ZCCHC10: variants seen among roughly 807,000 people sequenced by gnomAD.
ZCCHC10 encodes zinc finger CCHC-type containing 10, also known as zinc finger CCHC domain-containing protein 10.
Under a neutral mutation model 19.5 loss-of-function variants are expected in ZCCHC10, and 16 were observed. The observed-to-expected ratio is 0.82, with a 90% CI of 0.56 to 1.25. ZCCHC10 has a LOEUF of 1.25. ZCCHC10 is among the 50% of genes most tolerant of loss of function. The pLI, the probability that ZCCHC10 is intolerant of heterozygous loss-of-function variation, is 0.00. For missense variants in ZCCHC10, 197 were observed against 201.0 expected, an observed-to-expected ratio of 0.98 and a Z score of 0.12; for synonymous variants, 67 against 72.5, an observed-to-expected ratio of 0.92 and a Z score of 0.38.
intron 1 of ZCCHC10, among the ~76,000 whole-genome samples, chr5:133,026,133 G>A (rs1764688910): frequency 1.3e-5 from 2 of 152,220 alleles, no homozygotes; most frequent in African/African-American, 4.8e-5. Context: ...GAAGGTTTAC[G>A]TCGGCTGGAA....
Position 133,023,000 on chromosome 5 carries a change from T to C in ZCCHC10, c.42-94A>G, listed in dbSNP as rs114923424. The C allele has an allele frequency of 3.2e-3, 1,284 of 404,698 alleles. 10 individuals are homozygous for C. The highest frequency in any genetic ancestry group is 0.025 in the African/African-American group (1,206 of 48,734). 25.1% of individuals were successfully genotyped at this position (404,698 alleles called of 1,614,324 possible). A position where few individuals can be genotyped will look rare whatever the true frequency, so the allele number is the denominator to read the frequency against. ...CAGGGGAGGTCTGACTTGATGACAATTCAGGTAGAAAACAAGGTTTTTTAA... is the reference window on the plus strand; with the variant it reads ...CAGGGGAGGTCTGACTTGATGACAACTCAGGTAGAAAACAAGGTTTTTTAA... On this transcript the variant is annotated intron_variant, in intron 1 of 4. Transcript: ENST00000509437.
Position 132,998,507 on chromosome 5 carries a change from T to C in ZCCHC10, c.*76A>G, listed in dbSNP as rs563868537. 2 of 1,405,636 alleles carry C rather than the reference T, an allele frequency of 1.4e-6. No homozygotes were observed. The highest frequency in any genetic ancestry group is 2.8e-5 in the African/African-American group (2 of 70,690). 87.1% of individuals were successfully genotyped at this position (1,405,636 alleles called of 1,614,324 possible). A position where few individuals can be genotyped will look rare whatever the true frequency, so the allele number is the denominator to read the frequency against. On this transcript the variant is annotated 3_prime_UTR_variant, in exon 5 of 5. Coordinates refer to ENST00000509437, the MANE Select transcript of ZCCHC10 (RefSeq NM_001300816.3). ...TGTTCACCAGTTAACCTACTTGGCC[T>C]TAACATATTCTAAATTCCCTTTCAA... is the stretch of plus-strand genomic sequence containing the variant.
At chr5:133,022,566 G>C (rs1764389670) in intron 2 of ZCCHC10, among the ~76,000 whole-genome samples, 1 of 151,614 alleles carries the variant, frequency 6.6e-6, no homozygotes, top group South Asian at 2.1e-4. Context: ...CAATTCTCCT[G>C]CCTAGCCTCC....
At chr5:133,001,727 G>A (rs554423918) in intron 3 of ZCCHC10, among the ~76,000 whole-genome samples, 1 of 152,016 alleles carries the variant, frequency 6.6e-6, no homozygotes, top group Non-Finnish European at 1.5e-5. Context: ...AAAGTGTTGG[G>A]ATTACAAGTG....
chr5:133,015,966 G>A (rs1272670996), intron 2 of ZCCHC10, among the ~76,000 whole-genome samples: 1 of 152,066 alleles, frequency 6.6e-6, no homozygotes, highest in Non-Finnish European at 1.5e-5. Flanking sequence ...TTATTCAATG[G>A]GTTATAATCC....
intron 2 of ZCCHC10, among the ~76,000 whole-genome samples, chr5:133,013,556 T>C (rs771494443): frequency 5.3e-5 from 8 of 151,378 alleles, no homozygotes; most frequent in Non-Finnish European, 1.2e-4. Context: ...ACCTCGTCTC[T>C]ACTAAAAATA....
At chr5:133,022,528 A>C (rs1764386609) in intron 2 of ZCCHC10, among the ~76,000 whole-genome samples, 1 of 150,872 alleles carries the variant, frequency 6.6e-6, no homozygotes, top group African/African-American at 2.4e-5. Flanking sequence ...ATCTCGGCTC[A>C]CTGCAACCTC....
chr5:133,010,897 T>C (rs1267955733), intron 2 of ZCCHC10, among the ~76,000 whole-genome samples: 7 of 151,470 alleles, frequency 4.6e-5, no homozygotes, highest in Admixed American at 1.3e-4. Flanking sequence ...ATTCAAGCGA[T>C]TCTCCTGCCT....
chr5:133,014,840 A>G (rs1403406711), intron 2 of ZCCHC10, among the ~76,000 whole-genome samples: 10 of 152,342 alleles, frequency 6.6e-5, no homozygotes, highest in Non-Finnish European at 1.5e-5. Context: ...ACCATGGTAT[A>G]ATGCGTGATT....
At chr5:133,026,426 G>A in intron 1 of ZCCHC10, 71 bp downstream of exon 1, 5 of 1,584,226 alleles carry the variant, frequency 3.2e-6, no homozygotes, top group South Asian at 1.1e-5. Context: ...ATAGGGGTCC[G>A]ACACCAGCCC....
chr5:133,020,990 G>A (rs1427001798), intron 2 of ZCCHC10, among the ~76,000 whole-genome samples: 6 of 151,868 alleles, frequency 4.0e-5, no homozygotes, highest in African/African-American at 7.3e-5. Flanking sequence ...TCTGCCTCTC[G>A]GCTTCACGCT....
chr5:133,022,092 G>A (rs983604605), intron 2 of ZCCHC10, among the ~76,000 whole-genome samples: 7 of 151,548 alleles, frequency 4.6e-5, no homozygotes, highest in South Asian at 4.2e-4. Flanking sequence ...CACCGCACCC[G>A]GCCTACTTTA....
Position 133,022,834 on chromosome 5 carries a change from G to A in ZCCHC10, c.107+7C>T, listed in dbSNP as rs1764409996. ...ACCTGCAGTTGACACAAAGCTGAGA[G>A]GGATACCTAATAACGATGGATGGCT... is the stretch of plus-strand genomic sequence containing the variant. On this transcript the variant is annotated splice_region_variant and intron_variant, in intron 2 of 4. Transcript: ENST00000509437. 3 of 582,482 alleles carry A rather than the reference G, an allele frequency of 5.2e-6. No homozygotes were observed. Among genetic ancestry groups the A allele is most frequent in the African/African-American group, 3.9e-5 (2 of 51,938 alleles). The allele number at this position is 582,482 out of a possible 1,614,324, so 36.1% of individuals were successfully genotyped here. A position where few individuals can be genotyped will look rare whatever the true frequency, so the allele number is the denominator to read the frequency against.
At chr5:133,021,220 A>G (rs564115017) in intron 2 of ZCCHC10, among the ~76,000 whole-genome samples, 78 of 151,544 alleles carry the variant, frequency 5.1e-4, no homozygotes, top group African/African-American at 1.7e-3. Context: ...TAGTAGAGAC[A>G]GGGTTTCACC....
chr5:133,022,917 G>T lies in ZCCHC10; in HGVS notation c.42-11C>A. The stretch of plus-strand genomic sequence containing the variant: ...AACTCTGTGTCGAATCTAACAAGAT[G>T]AAATTTAACAAGGACAAAGGTAAGT... On this transcript the variant is annotated splice_polypyrimidine_tract_variant and intron_variant, in intron 1 of 4. Coordinates refer to ENST00000509437, the MANE Select transcript of ZCCHC10 (RefSeq NM_001300816.3). 1.7e-6 allele frequency: 1 copy of T among 579,802 alleles called. No homozygotes were observed. Among genetic ancestry groups the T allele is most frequent in the South Asian group, 2.2e-5 (1 of 46,200 alleles). The allele number at this position is 579,802 out of a possible 1,614,324, so 35.9% of individuals were successfully genotyped here. A position where few individuals can be genotyped will look rare whatever the true frequency, so the allele number is the denominator to read the frequency against.
chr5:133,003,834 C>T (rs1474238919), intron 3 of ZCCHC10, among the ~76,000 whole-genome samples: 4 of 152,164 alleles, frequency 2.6e-5, no homozygotes, highest in African/African-American at 9.7e-5. Flanking sequence ...CCTCAGCTTC[C>T]CAAGTAGCTG....
chr5:132,998,862 T>C lies in ZCCHC10; in HGVS notation c.312-12A>G. On this transcript the variant is annotated splice_polypyrimidine_tract_variant and intron_variant, in intron 4 of 4. Transcript: ENST00000509437. ...TTACACTCTTAGACCTATTAGACAA[T>C]ACAGAGTTATATACATGGGAAGGTG... is the stretch of plus-strand genomic sequence containing the variant. The C allele has an allele frequency of 1.2e-6, 2 of 1,612,608 alleles. No homozygotes were observed. Among genetic ancestry groups the C allele is most frequent in the Non-Finnish European group, 1.7e-6 (2 of 1,179,272 alleles).
Position 133,003,616 on chromosome 5 carries a change from A to G in ZCCHC10, c.269+3143T>C, listed in dbSNP as rs150736496. Among the ~76,000 whole-genome samples the G allele has an allele frequency of 7.5e-3, 1,137 of 152,280 alleles. 12 individuals carry two copies. Among genetic ancestry groups the G allele is most frequent in the African/African-American group, 0.025 (1,035 of 41,564 alleles). ...AGTGATCCTCTTGTCTTGGCCTCCC[A>G]AAGTGCTGGGATTACAGGCATGAGC... On this transcript the variant is annotated intron_variant, in intron 3 of 4. Transcript: ENST00000509437.
chr5:132,998,518 T>A lies in ZCCHC10; in HGVS notation c.*65A>T. On this transcript the variant is annotated 3_prime_UTR_variant, in exon 5 of 5. Transcript: ENST00000509437. ...TAACCTACTTGGCCTTAACATATTC[T>A]AAATTCCCTTTCAAGAATCACATCA... 1 of 1,484,050 alleles carries A rather than the reference T, an allele frequency of 6.7e-7. No homozygotes were observed. Among genetic ancestry groups the A allele is most frequent in the Non-Finnish European group, 9.2e-7 (1 of 1,092,372 alleles). 91.9% of individuals were successfully genotyped at this position (1,484,050 alleles called of 1,614,324 possible). A position where few individuals can be genotyped will look rare whatever the true frequency, so the allele number is the denominator to read the frequency against.
Sources: allele counts gnomAD v4.1 joint callset (sites outside exome capture counted in the v4.1 genomes callset), GRCh38; gene constraint gnomAD v4.1.1; transcripts MANE v1.5; gene names NCBI Gene and HGNC (gene_info 2026-07-23, HGNC 2026-07-21).